The following MFSD11 variants were observed in gnomAD, a reference collection of about 807,000 sequenced individuals.
MFSD11 encodes major facilitator superfamily domain containing 11.
Under a neutral mutation model 53.5 loss-of-function variants are expected in MFSD11, and 36 were observed. The observed-to-expected ratio is 0.67, with a 90% CI of 0.52 to 0.89. The LOEUF (loss-of-function observed/expected upper bound fraction) is 0.89, where lower values mean the gene tolerates loss of function less well. Among genes scored for constraint, MFSD11 ranks in the 40% least tolerant of loss-of-function variants. The pLI, the probability that MFSD11 is intolerant of heterozygous loss-of-function variation, is 0.00. For synonymous variants in MFSD11, 186 were observed against 184.9 expected (o/e 1.01, Z -0.05); for missense variants, 530 against 543.9 (o/e 0.97, Z 0.25).
chr17:76,755,814 T>TATATATATATATA (rs1598612525), intron 8 of MFSD11, among the ~76,000 whole-genome samples: 16 of 7,810 alleles, frequency 2.0e-3, no homozygotes, highest in South Asian at 0.011. Flanking sequence ...ATATATATAT[T>TATATATATATATA]TTTTTTTTTT....
At chr17:76,737,385 C>T (rs2077571623), upstream of MFSD11, 1 of 512,754 alleles carries the variant, frequency 2.0e-6, no homozygotes, top group Non-Finnish European at 3.3e-6. Flanking sequence ...AAAATGGCGC[C>T]CGCGCCACCC....
chr17:76,747,591 C>G lies in MFSD11; in HGVS notation c.641+3125C>G, dbSNP rs549150463. ...CTCGTGATCCACCCGCCTTGGCCTC[C>G]CAAAGTGCTGGGATTACAGGCGTGA... On this transcript the variant is annotated intron_variant, in intron 7 of 12. Transcript: ENST00000685175. Among the ~76,000 whole-genome samples, 3 of 152,136 alleles carry G rather than the reference C, an allele frequency of 2.0e-5. No individual in the cohort carries two copies. The South Asian group carries it at 6.2e-4, about 32-fold the overall frequency.
chr17:76,747,187 G>C (rs1281904404), intron 7 of MFSD11, among the ~76,000 whole-genome samples: 1 of 152,150 alleles, frequency 6.6e-6, no homozygotes, highest in Non-Finnish European at 1.5e-5. Context: ...TTTTGAGAAG[G>C]AGTCATCATT....
At chr17:76,768,319 A>G (rs1421232810) in intron 9 of MFSD11, among the ~76,000 whole-genome samples, 1 of 151,988 alleles carries the variant, frequency 6.6e-6, no homozygotes, top group Non-Finnish European at 1.5e-5. Flanking sequence ...AAAAAAAAAA[A>G]AAAAAGTCAT....
At chr17:76,747,162 A>G (rs528959045) in intron 7 of MFSD11, among the ~76,000 whole-genome samples, 43 of 152,162 alleles carry the variant, frequency 2.8e-4, no homozygotes, top group Non-Finnish European at 6.0e-4. Flanking sequence ...ATCTAAGCAA[A>G]GTAAATTGTA....
chr17:76,767,140 G>T, intron 8 of MFSD11: 11 of 370,480 alleles, frequency 3.0e-5, no homozygotes, highest in South Asian at 2.2e-4. Flanking sequence ...TCATGTTTTT[G>T]TTATAAGAGC....
At chr17:76,738,538 G>C in intron 1 of MFSD11, 90 bp downstream of exon 1, 1 of 889,450 alleles carries the variant, frequency 1.1e-6, no homozygotes. Context: ...CTAATAGCGC[G>C]CTTTAATTGC....
At chr17:76,790,415 T>TA in the MFSD11 span, among the ~76,000 whole-genome samples, 3 of 144,182 alleles carry the variant, frequency 2.1e-5, no homozygotes, top group East Asian at 4.2e-4. Context: ...GATCACAACT[T>TA]ACTGCAACCT....
downstream of MFSD11, among the ~76,000 whole-genome samples, chr17:76,785,461 C>T (rs1043112488): frequency 3.3e-5 from 5 of 152,130 alleles, no homozygotes; most frequent in East Asian, 1.9e-4. Context: ...CTCAGCCTTC[C>T]GAGTAGCTTG....
chr17:76,803,364 C>CGA, the MFSD11 span, among the ~76,000 whole-genome samples: 1 of 152,152 alleles, frequency 6.6e-6, no homozygotes, highest in Non-Finnish European at 1.5e-5. Context: ...AAAACAATGA[C>CGA]GATAACAGCC....
chr17:76,776,524 A>G lies in MFSD11; in HGVS notation c.1168A>G (p.Ile390Val). ...TGAAGACAGCGCCCCAGCATTTGCC[A>G]TCTTCAAGTTTGTTCAGGTAACCTC... ...YSEDSAPAFAIFKFVQSICAA... is the reference protein window; with the variant it reads ...YSEDSAPAFAVFKFVQSICAA... The change falls in exon 12 of 13, where the codon ATC (isoleucine) becomes GTC (valine). Residue 390 changes from isoleucine to valine, a missense_variant. Physicochemically the swap from Ile to Val is conservative, Grantham distance 29. Coordinates refer to ENST00000685175, the MANE Select transcript of MFSD11 (RefSeq NM_001242532.5). This position sits in a 1 kb window ranked among gnomAD's most constrained non-coding sequence, Gnocchi z 4.2. 2.5e-6 allele frequency: 4 copies of G among 1,613,984 alleles called. No individual in the cohort carries two copies. The highest frequency in any genetic ancestry group is 1.6e-4 in the Middle Eastern group (1 of 6,062).
downstream of MFSD11, among the ~76,000 whole-genome samples, chr17:76,783,122 A>G (rs1235753589): frequency 1.3e-5 from 2 of 150,740 alleles, no homozygotes; most frequent in African/African-American, 4.9e-5. Flanking sequence ...GGTTGCAGTG[A>G]GCCAAGATCA....
At chr17:76,742,082 T>G in intron 4 of MFSD11, 34 bp downstream of exon 4, 2 of 1,614,192 alleles carry the variant, frequency 1.2e-6, no homozygotes, top group South Asian at 2.2e-5. Flanking sequence ...CTCTGCTTTC[T>G]TTTCTGGGGC....
the MFSD11 span, among the ~76,000 whole-genome samples, chr17:76,788,145 A>C: frequency 6.7e-6 from 1 of 148,780 alleles, no homozygotes; most frequent in Admixed American, 6.7e-5. Context: ...GGTTCAAGAG[A>C]TTCTCATGCC....
chr17:76,794,333 C>T, the MFSD11 span, among the ~76,000 whole-genome samples: 22 of 150,672 alleles, frequency 1.5e-4, no homozygotes, highest in Non-Finnish European at 2.6e-4. Flanking sequence ...AAAAATTAGC[C>T]GGGCGTGGTG....
upstream of MFSD11, chr17:76,737,257 T>G: frequency 7.0e-7 from 1 of 1,432,854 alleles, no homozygotes; most frequent in Non-Finnish European, 9.2e-7. Context: ...GCCTTCCGCG[T>G]GGGGACACTG....
In MFSD11 at chr17:76,776,335, T is replaced by C; in HGVS notation, c.1050-71T>C. On this transcript the variant is annotated intron_variant, in intron 11 of 12. Coordinates refer to ENST00000685175, the MANE Select transcript of MFSD11 (RefSeq NM_001242532.5). This position sits in a 1 kb window ranked among gnomAD's most constrained non-coding sequence, Gnocchi z 4.2. ...CTTGCAGGTAGAATTCTTTTGTGGG[T>C]GGGTTGCTTGTATATTTTAAATGGC... 2.0e-6 allele frequency: 3 copies of C among 1,500,472 alleles called. No individual in the cohort carries two copies. The highest frequency in any genetic ancestry group is 2.7e-6 in the Non-Finnish European group (3 of 1,106,544). 92.9% of individuals were successfully genotyped at this position (1,500,472 alleles called of 1,614,324 possible). A position where few individuals can be genotyped will look rare whatever the true frequency, so the allele number is the denominator to read the frequency against.
chr17:76,800,480 C>T, the MFSD11 span, among the ~76,000 whole-genome samples: 1 of 152,156 alleles, frequency 6.6e-6, no homozygotes, highest in African/African-American at 2.4e-5. Flanking sequence ...GTGCTGTAGT[C>T]TCTTTGTATT....
At chr17:76,780,801 A>G (rs977160227), downstream of MFSD11, among the ~76,000 whole-genome samples, 1 of 152,208 alleles carries the variant, frequency 6.6e-6, no homozygotes, top group East Asian at 1.9e-4. Flanking sequence ...GGCGTGAGCC[A>G]CTGCGCCCAG....
Sources: allele counts gnomAD v4.1 joint callset (sites outside exome capture counted in the v4.1 genomes callset), GRCh38; gene constraint gnomAD v4.1.1; non-coding constraint Gnocchi (gnomAD v3.1); transcripts MANE v1.5; gene names NCBI Gene and HGNC (gene_info 2026-07-23, HGNC 2026-07-21).